The following TRAPPC9 variants were observed in gnomAD, a reference collection of about 807,000 sequenced individuals.
TRAPPC9 encodes the protein IKK2 binding protein.
In TRAPPC9, 83 loss-of-function variants were observed where a neutral mutation model predicts 124.0. That is an observed-to-expected ratio of 0.67 (90% CI 0.56 to 0.80). The LOEUF (loss-of-function observed/expected upper bound fraction) is 0.80. Among genes scored for constraint, TRAPPC9 ranks in the 30% least tolerant of loss-of-function variants. The pLI is 0.00. For synonymous variants in TRAPPC9, 638 were observed against 617.5 expected, an observed-to-expected ratio of 1.03 and a Z score of -0.49; for missense variants, 1,302 against 1,508.3, an observed-to-expected ratio of 0.86 and a Z score of 2.27.
Position 139,894,672 on chromosome 8 carries a change from G to T in TRAPPC9, c.2965-8703C>A, listed in dbSNP as rs562030623. Among the ~76,000 whole-genome samples, 11 of 152,346 alleles carry T rather than the reference G, an allele frequency of 7.2e-5. No homozygotes were observed. In the East Asian group the frequency reaches 2.1e-3, roughly 29 times the overall value. On this transcript the variant is annotated intron_variant, in intron 20 of 22. Transcript: ENST00000438773. Reference sequence around the variant, plus strand: ...TTCCTCCACTCCTGACCAGACCCCTGTGAGCCATGCTGTGACTCACTCTAA... The same window carrying T: ...TTCCTCCACTCCTGACCAGACCCCTTTGAGCCATGCTGTGACTCACTCTAA...
At chr8:140,122,907 C>T (rs1444738681) in intron 17 of TRAPPC9, among the ~76,000 whole-genome samples, 2 of 152,218 alleles carry the variant, frequency 1.3e-5, no homozygotes, top group Non-Finnish European at 2.9e-5. Flanking sequence ...ACAGCCATCC[C>T]GAGCACGAGG....
chr8:139,815,635 G>A lies in TRAPPC9; in HGVS notation c.3055+70244C>T, dbSNP rs961037595. Among the ~76,000 whole-genome samples the A allele has an allele frequency of 1.7e-4, 24 of 140,396 alleles. No individual in the cohort carries two copies. In the Middle Eastern group the frequency reaches 0.011, roughly 62 times the overall value. 92.1% of individuals were successfully genotyped at this position (140,396 alleles called of 152,430 possible). A position where few individuals can be genotyped will look rare whatever the true frequency, so the allele number is the denominator to read the frequency against. ...TAGAACTCCTGACCTCAAATGATCC[G>A]CCCAGCTTAACCTCCCAAAGTGCTG... On this transcript the variant is annotated intron_variant, in intron 21 of 22. Transcript: ENST00000438773.
chr8:140,182,320 A>C lies in TRAPPC9; in HGVS notation c.2556+39139T>G, dbSNP rs1370524854. On this transcript the variant is annotated intron_variant, in intron 17 of 22. Coordinates refer to ENST00000438773, the MANE Select transcript of TRAPPC9 (RefSeq NM_001160372.4). This position sits in a 1 kb window ranked among gnomAD's most constrained non-coding sequence, Gnocchi z 4.0. Reference sequence around the variant, plus strand: ...TGGTCTATTCAACTGTTTTCTACATATTTCAACTAAAAAAAAAAAAAAATA... The same window carrying C: ...TGGTCTATTCAACTGTTTTCTACATCTTTCAACTAAAAAAAAAAAAAAATA... Among the ~76,000 whole-genome samples the C allele has an allele frequency of 6.6e-6, 1 of 151,472 alleles. No homozygotes were observed. Among genetic ancestry groups the C allele is most frequent in the East Asian group, 1.9e-4 (1 of 5,154 alleles).
intron 7 of TRAPPC9, among the ~76,000 whole-genome samples, chr8:140,383,412 T>C (rs56333199): frequency 0.04 from 6,020 of 152,074 alleles, 425 homozygotes; most frequent in African/African-American, 0.14. Context: ...TTAAACACCT[T>C]GAAAAAAGAT....
rs1454572767 is a variant in TRAPPC9 at position 139,907,456 on chromosome 8, G to A, written c.2964+2691C>T. On this transcript the variant is annotated intron_variant, in intron 20 of 22. Transcript: ENST00000438773. The surrounding 1 kb of genome is among the most constrained non-coding windows in gnomAD (Gnocchi z 4.7). ...TCTGCTTGAATTCAGGTTTACAATA[G>A]CAAAATTCTGCTATTCCTCTGACAC... is the stretch of plus-strand genomic sequence containing the variant. Among the ~76,000 whole-genome samples the A allele has an allele frequency of 6.6e-6, 1 of 151,228 alleles. No individual in the cohort carries two copies. Among genetic ancestry groups the A allele is most frequent in the Non-Finnish European group, 1.5e-5 (1 of 67,938 alleles).
chr8:140,372,916 T>A (rs2068323593), intron 7 of TRAPPC9, among the ~76,000 whole-genome samples: 1 of 152,140 alleles, frequency 6.6e-6, no homozygotes, highest in South Asian at 2.1e-4. Context: ...ACAATCCCCA[T>A]CTTGAAACCA....
intron 8 of TRAPPC9, among the ~76,000 whole-genome samples, chr8:140,369,098 A>G (rs908712891): frequency 2.6e-5 from 4 of 152,162 alleles, no homozygotes; most frequent in Non-Finnish European, 5.9e-5. Flanking sequence ...AATATTTACT[A>G]TCTGGCCCTT....
At chr8:139,975,604 C>T (rs1836386977) in intron 19 of TRAPPC9, among the ~76,000 whole-genome samples, 1 of 152,144 alleles carries the variant, frequency 6.6e-6, no homozygotes, top group South Asian at 2.1e-4. Context: ...ATATAAAGAT[C>T]AATTTCCCTC....
intron 19 of TRAPPC9, among the ~76,000 whole-genome samples, chr8:139,967,303 G>A (rs1375071642): frequency 6.6e-6 from 1 of 151,964 alleles, no homozygotes; most frequent in African/African-American, 2.4e-5. Flanking sequence ...GACCGCAGCA[G>A]AGCCAAAACC....
At chr8:140,362,950 T>C in intron 8 of TRAPPC9, among the ~76,000 whole-genome samples, 1 of 152,220 alleles carries the variant, frequency 6.6e-6, no homozygotes, top group East Asian at 1.9e-4. Context: ...AGTGTACAAG[T>C]CATAATTTCT....
intron 11 of TRAPPC9, 120 bp downstream of exon 11, chr8:140,300,349 C>A (rs536927966): frequency 8.0e-7 from 1 of 1,253,966 alleles, no homozygotes; most frequent in Non-Finnish European, 1.2e-6. Context: ...GTGCACACAT[C>A]CACGCACGCA....
intron 18 of TRAPPC9, among the ~76,000 whole-genome samples, chr8:140,022,643 G>C (rs1839891191): frequency 6.6e-6 from 1 of 152,184 alleles, no homozygotes; most frequent in Non-Finnish European, 1.5e-5. Context: ...ACACACAACA[G>C]GTTCATGATG....
At chr8:140,164,171 C>T (rs1439016400) in intron 17 of TRAPPC9, among the ~76,000 whole-genome samples, 10 of 152,198 alleles carry the variant, frequency 6.6e-5, no homozygotes, top group Non-Finnish European at 1.5e-4. Context: ...GAGAGCCACA[C>T]CTCATCTTTG....
At chr8:140,351,627 A>G (rs1437604018) in intron 9 of TRAPPC9, among the ~76,000 whole-genome samples, 3 of 152,196 alleles carry the variant, frequency 2.0e-5, no homozygotes, top group Admixed American at 2.0e-4. Flanking sequence ...ATAAATAAAT[A>G]AACAAACTAT....
At chr8:140,027,303 A>G (rs556968332) in intron 17 of TRAPPC9, among the ~76,000 whole-genome samples, 6 of 152,372 alleles carry the variant, frequency 3.9e-5, no homozygotes, top group African/African-American at 1.4e-4. Flanking sequence ...TATACACAGC[A>G]TCTTTCTCAA....
At chr8:139,772,450 C>T (rs1343921821) in intron 21 of TRAPPC9, among the ~76,000 whole-genome samples, 3 of 152,192 alleles carry the variant, frequency 2.0e-5, no homozygotes, top group Admixed American at 6.5e-5. Flanking sequence ...CTCTAGCCAT[C>T]GCCATGGCCA....
At chr8:139,863,580 T>C (rs532952509) in intron 21 of TRAPPC9, among the ~76,000 whole-genome samples, 1 of 152,290 alleles carries the variant, frequency 6.6e-6, no homozygotes, top group South Asian at 2.1e-4. Flanking sequence ...TCGCAGATGG[T>C]GTGAGGTGCA....
chr8:140,364,771 CG>C (rs1563976042), intron 8 of TRAPPC9, among the ~76,000 whole-genome samples: 1 of 151,910 alleles, frequency 6.6e-6, no homozygotes, highest in African/African-American at 2.4e-5. Context: ...TTAGTACAGA[CG>C]GGTTGGCCAG....
chr8:139,920,122 G>A lies in TRAPPC9; in HGVS notation c.2811-9822C>T, dbSNP rs187675376. On this transcript the variant is annotated intron_variant, in intron 19 of 22. Transcript: ENST00000438773. ...GCACTTTGGGAGGCTAAGCCGGGCG[G>A]ATCACTTGAGGTCAGGAGTTCGAGA... Among the ~76,000 whole-genome samples the A allele has an allele frequency of 1.0e-3, 158 of 152,336 alleles. 1 individual carries two copies. Among genetic ancestry groups the A allele is most frequent in the African/African-American group, 3.4e-3 (142 of 41,572 alleles).
Sources: allele counts gnomAD v4.1 joint callset (sites outside exome capture counted in the v4.1 genomes callset), GRCh38; gene constraint gnomAD v4.1.1; non-coding constraint Gnocchi (gnomAD v3.1); transcripts MANE v1.5; gene names NCBI Gene and HGNC (gene_info 2026-07-23, HGNC 2026-07-21).